COL6A6: variants seen among roughly 807,000 people sequenced by gnomAD.
The protein encoded by COL6A6 is collagen alpha-6(VI) chain.
Under a neutral mutation model 208.6 loss-of-function variants are expected in COL6A6, and 183 were observed. The ratio of observed to expected loss-of-function variants is 0.88; its 90% confidence interval spans 0.78 to 0.99. COL6A6 has a LOEUF of 0.99. COL6A6 is among the 50% of genes least tolerant of loss of function. The pLI, the probability that COL6A6 is intolerant of heterozygous loss-of-function variation, is 0.00. For missense variants in COL6A6, 2,816 were observed against 2,815.2 expected (o/e 1.00, Z -0.01); for synonymous variants, 973 against 1,011.8 (o/e 0.96, Z 0.73).
intron 36 of COL6A6, among the ~76,000 whole-genome samples, chr3:130,670,332 A>G (rs1453038146): frequency 6.6e-6 from 1 of 152,246 alleles, no homozygotes; most frequent in East Asian, 1.9e-4. Context: ...AAGTCAGGCT[A>G]AGTGCTACAA....
At chr3:130,634,912 A>G (rs888241294) in intron 27 of COL6A6, among the ~76,000 whole-genome samples, 2 of 152,134 alleles carry the variant, frequency 1.3e-5, no homozygotes, top group Non-Finnish European at 2.9e-5. Flanking sequence ...TCCCTCTATC[A>G]TATATATTTT....
chr3:130,658,844 C>A (rs1361592956), intron 34 of COL6A6, 72 bp downstream of exon 34: 1 of 1,089,920 alleles, frequency 9.2e-7, no homozygotes, highest in African/African-American at 1.6e-5. Context: ...GCAGGGGCAA[C>A]TGGAACTTGG....
At chr3:130,597,054 T>C (rs1256346441) in intron 18 of COL6A6, among the ~76,000 whole-genome samples, 3 of 152,196 alleles carry the variant, frequency 2.0e-5, no homozygotes, top group Non-Finnish European at 4.4e-5. Flanking sequence ...AATGTGCTGG[T>C]ATATGATTCT....
chr3:130,598,348 T>G lies in COL6A6; in HGVS notation c.4534-17T>G. 2.7e-6 allele frequency: 4 copies of G among 1,508,926 alleles called. No individual in the cohort carries two copies. Among genetic ancestry groups the G allele is most frequent in the Non-Finnish European group, 2.7e-6 (3 of 1,109,974 alleles). 93.5% of individuals were successfully genotyped at this position (1,508,926 alleles called of 1,614,324 possible). ...TGTCCAAATATATTAATTTTTCTCTTTATTTTCTATTTTTAGGGAGCTCCT... is the reference window on the plus strand; with the variant it reads ...TGTCCAAATATATTAATTTTTCTCTGTATTTTCTATTTTTAGGGAGCTCCT... On this transcript the variant is annotated splice_polypyrimidine_tract_variant and intron_variant, in intron 18 of 36. Transcript: ENST00000358511.
In COL6A6 at chr3:130,581,764, T is replaced by C; in HGVS notation, c.3751T>C (p.Ser1251Pro). Residue 1251 changes from serine (S) to proline (P), a missense_variant, in exon 9 of 37, where the codon TCT (serine) becomes CCT (proline). Physicochemically the swap from Ser to Pro is moderately conservative, Grantham distance 74. Transcript: ENST00000358511. ...FQVTNAMEKY[S>P]PKFEIYSENI... ...AGTGACCAATGCCATGGAAAAATATTCTCCCAAGTTTGAGATCTACAGTGA... is the reference window on the plus strand; with the variant it reads ...AGTGACCAATGCCATGGAAAAATATCCTCCCAAGTTTGAGATCTACAGTGA... The C allele has an allele frequency of 1.2e-6, 2 of 1,613,656 alleles. No individual in the cohort carries two copies. The highest frequency in any genetic ancestry group is 8.5e-7 in the Non-Finnish European group (1 of 1,179,748).
intron 36 of COL6A6, among the ~76,000 whole-genome samples, chr3:130,673,027 A>T (rs1345781016): frequency 6.7e-6 from 1 of 149,872 alleles, no homozygotes; most frequent in African/African-American, 2.5e-5. Context: ...AAAAAAAAAA[A>T]AATTAGTTGG....
chr3:130,613,063 T>A (rs752198717), intron 23 of COL6A6, among the ~76,000 whole-genome samples: 19 of 152,342 alleles, frequency 1.2e-4, no homozygotes, highest in Admixed American at 1.2e-3. Flanking sequence ...ATCGCCTTTG[T>A]CATCTTTCTC....
chr3:130,540,690 T>C (rs1209912800), intron 1 of COL6A6, among the ~76,000 whole-genome samples: 1 of 152,064 alleles, frequency 6.6e-6, no homozygotes, highest in Non-Finnish European at 1.5e-5. Context: ...CCATTGTGTG[T>C]TGTTCCCCTC....
At chr3:130,640,824 T>C (rs2065286121) in intron 28 of COL6A6, among the ~76,000 whole-genome samples, 1 of 152,234 alleles carries the variant, frequency 6.6e-6, no homozygotes, top group African/African-American at 2.4e-5. Flanking sequence ...TCTGTTGTTT[T>C]AAAAGTTTTT....
intron 23 of COL6A6, among the ~76,000 whole-genome samples, chr3:130,619,988 G>A (rs1246617843): frequency 7.2e-5 from 11 of 152,304 alleles, no homozygotes; most frequent in African/African-American, 2.6e-4. Context: ...AGGCTGGAGT[G>A]CAGTGACACA....
chr3:130,662,011 C>G lies in COL6A6; in HGVS notation c.6205C>G (p.Leu2069Val), dbSNP rs2065947539. 1.2e-6 allele frequency: 2 copies of G among 1,613,794 alleles called. No homozygotes were observed. Among genetic ancestry groups the G allele is most frequent in the African/African-American group, 2.7e-5 (2 of 74,880 alleles). Residue 2069 changes from leucine to valine, a missense_variant, in exon 35 of 37, where the codon CTG becomes GTG. By Grantham distance (32) the Leu-to-Val change is conservative (BLOSUM62 1). Transcript: ENST00000358511. ...AFIGHALQWT[L>V]DNVFLSTPNL... ...TATTGGTCATGCCTTACAGTGGACT[C>G]TGGACAATGTATTTTTAAGTACACC...
intron 10 of COL6A6, among the ~76,000 whole-genome samples, chr3:130,584,525 A>G (rs2063492421): frequency 6.6e-6 from 1 of 152,164 alleles, no homozygotes; most frequent in Admixed American, 6.5e-5. Flanking sequence ...CACTAGAACC[A>G]GGAAAGTCCC....
At chr3:130,622,833 G>A (rs572618860) in intron 24 of COL6A6, among the ~76,000 whole-genome samples, 3 of 152,100 alleles carry the variant, frequency 2.0e-5, no homozygotes, top group African/African-American at 7.2e-5. Flanking sequence ...CTCCAGCCTG[G>A]GCGACAGAGC....
intron 2 of COL6A6, among the ~76,000 whole-genome samples, chr3:130,562,403 A>G (rs1273915896): frequency 6.6e-6 from 1 of 152,264 alleles, no homozygotes; most frequent in Admixed American, 6.5e-5. Context: ...AATAAAATTC[A>G]CCAATTATAA....
chr3:130,652,003 C>T (rs1212022789), intron 33 of COL6A6, among the ~76,000 whole-genome samples: 1 of 152,164 alleles, frequency 6.6e-6, no homozygotes, highest in Non-Finnish European at 1.5e-5. Context: ...CAAAAGAGCA[C>T]CAATGAAGGT....
chr3:130,625,235 T>C, intron 24 of COL6A6, among the ~76,000 whole-genome samples: 1 of 152,212 alleles, frequency 6.6e-6, no homozygotes, highest in East Asian at 1.9e-4. Context: ...AATCCTATTC[T>C]TCGTTACCCC....
chr3:130,609,554 G>A (rs2064291079), intron 22 of COL6A6, among the ~76,000 whole-genome samples: 1 of 152,136 alleles, frequency 6.6e-6, no homozygotes. Context: ...GCCAGAGAGG[G>A]CAAAATTTAG....
chr3:130,652,991 TG>T (rs1197445541), intron 33 of COL6A6, among the ~76,000 whole-genome samples: 1 of 152,248 alleles, frequency 6.6e-6, no homozygotes, highest in African/African-American at 2.4e-5. Context: ...AAATGGACTG[TG>T]ATCACCGTCT....
chr3:130,627,495 C>T (rs1009875953), intron 26 of COL6A6, 126 bp downstream of exon 26: 1 of 769,490 alleles, frequency 1.3e-6, no homozygotes. Flanking sequence ...AAATATATTT[C>T]AGTAATTTAT....
Sources: allele counts gnomAD v4.1 joint callset (sites outside exome capture counted in the v4.1 genomes callset), GRCh38; gene constraint gnomAD v4.1.1; transcripts MANE v1.5; gene names NCBI Gene and HGNC (gene_info 2026-07-23, HGNC 2026-07-21).